The following CAMSAP1 variants were observed in gnomAD, a reference collection of about 807,000 sequenced individuals.
CAMSAP1 encodes the protein calmodulin regulated spectrin associated protein 1.
In CAMSAP1, 58 loss-of-function variants were observed where a neutral mutation model predicts 143.5. The ratio of observed to expected loss-of-function variants is 0.40; its 90% CI spans 0.33 to 0.50. The LOEUF (loss-of-function observed/expected upper bound fraction) is 0.50, where lower values mean the gene tolerates loss of function less well. Among genes scored for constraint, CAMSAP1 ranks in the 20% least tolerant of loss-of-function variants. The probability of loss-of-function intolerance (pLI) is 0.45; values close to 1 mark genes in which losing one functional copy is unlikely to be tolerated. For missense variants in CAMSAP1, 1,969 were observed against 2,115.7 expected (o/e 0.93, Z 1.36); for synonymous variants, 945 against 859.3 (o/e 1.10, Z -1.74).
chr9:135,882,856 G>C lies in CAMSAP1; in HGVS notation c.383C>G (p.Pro128Arg). Residue 128 changes from proline to arginine, a missense_variant, in exon 2 of 17, where the codon CCC becomes CGC. Pro to Arg is a moderately radical substitution (Grantham distance 103, BLOSUM62 -2). Around this residue, in one of 4 missense-constraint regions of CAMSAP1, gnomAD observed 215 missense variants for 196.2 expected, o/e 1.10. Coordinates refer to ENST00000389532, the MANE Select transcript of CAMSAP1 (RefSeq NM_015447.4). The surrounding 1 kb of genome is among the most constrained non-coding windows in gnomAD (Gnocchi z 4.9). ...GIYVMESDDTPVTESDLSRAP... is the reference protein window; with the variant it reads ...GIYVMESDDTRVTESDLSRAP... ...GCGACTGAGGTCGGACTCTGTCACG[G>C]GGGTGTCATCACTCTCCATCACATA... 2 of 1,551,410 alleles carry C rather than the reference G, an allele frequency of 1.3e-6. No homozygotes were observed. The highest frequency in any genetic ancestry group is 1.7e-6 in the Non-Finnish European group (2 of 1,146,972).
chr9:135,887,644 G>C (rs1282016288), intron 1 of CAMSAP1, among the ~76,000 whole-genome samples: 1 of 152,242 alleles, frequency 6.6e-6, no homozygotes, highest in Non-Finnish European at 1.5e-5. Context: ...CAGACGCAGG[G>C]AAGGGGTGGG....
At position 135,821,031 on chromosome 9, in the gene CAMSAP1, G is replaced by A; in HGVS notation, c.3630C>T (p.Ser1210=). 1.2e-6 allele frequency: 2 copies of A among 1,613,846 alleles called. No homozygotes were observed. The highest frequency in any genetic ancestry group is 1.7e-6 in the Non-Finnish European group (2 of 1,179,800). Residue 1210 remains serine (S), a synonymous_variant, in exon 11 of 17, where the codon TCC becomes TCT. Coordinates refer to ENST00000389532, the MANE Select transcript of CAMSAP1 (RefSeq NM_015447.4). This position sits in a 1 kb window ranked among gnomAD's most constrained non-coding sequence, Gnocchi z 4.6. ...CTTTTCCCGAGACATCTGAGGAGCT[G>A]GACCCCACCTCCTTCACACTCGCAT... is the stretch of plus-strand genomic sequence containing the variant. The part of the protein sequence containing the change: ...VLDASVKEVG[S]SSSDVSGKES...
At chr9:135,871,740 G>C (rs912976920) in intron 3 of CAMSAP1, among the ~76,000 whole-genome samples, 1 of 151,646 alleles carries the variant, frequency 6.6e-6, no homozygotes, top group African/African-American at 2.4e-5. Flanking sequence ...AACAGCCTGG[G>C]CAACACAGCA....
At chr9:135,814,953 G>C (rs893075774) in intron 16 of CAMSAP1, 144 bp downstream of exon 16, 1 of 653,682 alleles carries the variant, frequency 1.5e-6, no homozygotes, top group Non-Finnish European at 2.6e-6. Flanking sequence ...CCACCTGCCT[G>C]GAACGGCCTC....
intron 1 of CAMSAP1, among the ~76,000 whole-genome samples, chr9:135,898,283 G>C (rs181475412): frequency 4.6e-5 from 7 of 152,280 alleles, no homozygotes; most frequent in Admixed American, 1.3e-4. Flanking sequence ...GTCATCATTA[G>C]GGAAACTGAG....
At position 135,822,879 on chromosome 9, in the gene CAMSAP1, A is replaced by G; in HGVS notation, c.1782T>C (p.Pro594=). The G allele has an allele frequency of 6.2e-7, 1 of 1,613,816 alleles. No homozygotes were observed. Among genetic ancestry groups the G allele is most frequent in the East Asian group, 2.2e-5 (1 of 44,856 alleles). The change falls in exon 11 of 17, where the codon CCT becomes CCC. Residue 594 remains proline, a synonymous_variant. Coordinates refer to ENST00000389532, the MANE Select transcript of CAMSAP1 (RefSeq NM_015447.4). The surrounding 1 kb of genome is among the most constrained non-coding windows in gnomAD (Gnocchi z 6.1). ...CTGGCTTAAGAACTGCTGGCATCAA[A>G]GGCTCCAAGAAAAAACTGTCAGGCT... ...ESKPDSFFLE[P]LMPAVLKPAK...
At chr9:135,890,086 T>C (rs1838241775) in intron 1 of CAMSAP1, among the ~76,000 whole-genome samples, 1 of 152,126 alleles carries the variant, frequency 6.6e-6, no homozygotes, top group Non-Finnish European at 1.5e-5. Flanking sequence ...GTGGACCCTG[T>C]GCTAGGCCAG....
chr9:135,855,320 G>A (rs770666302), intron 5 of CAMSAP1, among the ~76,000 whole-genome samples: 10 of 152,158 alleles, frequency 6.6e-5, no homozygotes, highest in Non-Finnish European at 1.3e-4. Flanking sequence ...GTGAGAACAC[G>A]CAGTATTTGG....
In CAMSAP1 at chr9:135,823,974, AT is replaced by A; in HGVS notation, c.1375del (p.Ile459Ter). On this transcript the variant is annotated frameshift_variant, in exon 10 of 17. Coordinates refer to ENST00000389532, the MANE Select transcript of CAMSAP1 (RefSeq NM_015447.4). LOFTEE classifies it high-confidence loss of function. ...CCTGGTTTTTTTTTCTGGCCAGGCT[AT>A]TGCTGCTCCTCGAGGCTGACCATCA... ...RVDGQPRGAA[I>X]AWPEKKTRPA... The A allele has an allele frequency of 6.3e-7, 1 of 1,587,454 alleles. No homozygotes were observed. Among genetic ancestry groups the A allele is most frequent in the Admixed American group, 1.8e-5 (1 of 56,066 alleles).
chr9:135,814,172 C>T (rs769321792), intron 16 of CAMSAP1, among the ~76,000 whole-genome samples: 4 of 152,316 alleles, frequency 2.6e-5, no homozygotes, highest in South Asian at 2.1e-4. Context: ...CCCAGTGCCA[C>T]GAGACCTGCC....
intron 1 of CAMSAP1, among the ~76,000 whole-genome samples, chr9:135,904,694 C>T (rs567241629): frequency 1.3e-5 from 2 of 152,050 alleles, no homozygotes; most frequent in South Asian, 4.1e-4. Flanking sequence ...ACCAGCCAGG[C>T]GTGGTGGCTC....
chr9:135,818,994 C>A lies in CAMSAP1; in HGVS notation c.3959+16G>T, dbSNP rs41311218. On this transcript the variant is annotated intron_variant, in intron 12 of 16. Transcript: ENST00000389532. This position sits in a 1 kb window ranked among gnomAD's most constrained non-coding sequence, Gnocchi z 7.7. ...GCTCCTGCTCAGTCTGCTTTCCCCC[C>A]CGGCGGGACGCTTACCGGGCTTCGT... The A allele has an allele frequency of 4.2e-5, 67 of 1,603,316 alleles. 1 individual carries two copies. In the Middle Eastern group the frequency reaches 5.2e-4, roughly 12 times the overall value.
chr9:135,815,946 C>G lies in CAMSAP1; in HGVS notation c.4331G>C (p.Arg1444Pro). The G allele has an allele frequency of 6.2e-7, 1 of 1,613,896 alleles. No homozygotes were observed. Among genetic ancestry groups the G allele is most frequent in the East Asian group, 2.2e-5 (1 of 44,882 alleles). Reference protein sequence around the residue: ...LSRNPSRSTDRDWETASAASS... With the variant: ...LSRNPSRSTDPDWETASAASS... ...TGCCGCCGACGCGGTCTCCCAGTCT[C>G]GGTCTGTGCTCCTGCTTGGGTTACG... The change falls in exon 15 of 17, where the codon CGA (arginine) becomes CCA (proline). Residue 1444 changes from arginine to proline, a missense_variant. Around this residue, in one of 4 missense-constraint regions of CAMSAP1, gnomAD observed 1,390 missense variants for 1,420.8 expected, o/e 0.98. Transcript: ENST00000389532.
At position 135,818,684 on chromosome 9, in the gene CAMSAP1, G is replaced by T. The variant is rs1835331273; in HGVS notation, c.3960-68C>A. 6.5e-7 allele frequency: 1 copy of T among 1,532,056 alleles called. No homozygotes were observed. The allele number at this position is 1,532,056 out of a possible 1,614,324, so 94.9% of individuals were successfully genotyped here. On this transcript the variant is annotated intron_variant, in intron 12 of 16. Transcript: ENST00000389532. This position sits in a 1 kb window ranked among gnomAD's most constrained non-coding sequence, Gnocchi z 7.7. ...TCTTCCACGACGCCTGCGCCGCGGC[G>T]CTCTGTCCAGGCGCGTTTCTCGGGT...
intron 1 of CAMSAP1, among the ~76,000 whole-genome samples, chr9:135,898,525 T>C (rs1838523359): frequency 6.6e-6 from 1 of 152,046 alleles, no homozygotes; most frequent in Non-Finnish European, 1.5e-5. Flanking sequence ...ATATACACAA[T>C]TAACTCAAAA....
At chr9:135,860,676 A>G (rs377411614) in intron 5 of CAMSAP1, among the ~76,000 whole-genome samples, 9 of 151,518 alleles carry the variant, frequency 5.9e-5, no homozygotes, top group African/African-American at 2.2e-4. Context: ...TGAAGACCCC[A>G]ACCCCTCCGC....
At chr9:135,884,798 C>A (rs968724218) in intron 1 of CAMSAP1, among the ~76,000 whole-genome samples, 2 of 152,198 alleles carry the variant, frequency 1.3e-5, no homozygotes, top group Non-Finnish European at 2.9e-5. Context: ...GAGGTGAGCA[C>A]AGAGCCACCC....
intron 3 of CAMSAP1, among the ~76,000 whole-genome samples, chr9:135,868,591 T>C (rs944928640): frequency 6.6e-6 from 1 of 151,722 alleles, no homozygotes; most frequent in Non-Finnish European, 1.5e-5. Flanking sequence ...TGTAAAGGCT[T>C]TTCTGATGAG....
intron 7 of CAMSAP1, among the ~76,000 whole-genome samples, chr9:135,839,312 C>T (rs574797695): frequency 1.3e-5 from 2 of 152,258 alleles, no homozygotes; most frequent in South Asian, 2.1e-4. Flanking sequence ...TGTTTGTGTC[C>T]GTATTTCCTC....
Sources: allele counts gnomAD v4.1 joint callset (sites outside exome capture counted in the v4.1 genomes callset), GRCh38; gene constraint gnomAD v4.1.1; regional missense constraint gnomAD v4.1.1; non-coding constraint Gnocchi (gnomAD v3.1); transcripts MANE v1.5; gene names NCBI Gene and HGNC (gene_info 2026-07-23, HGNC 2026-07-21).